Variants in CDH13 observed in about 807,000 individuals in gnomAD.
CDH13 encodes the protein cadherin-13.
CDH13 carries 24 observed loss-of-function variants against 63.8 expected under a neutral mutation model. That is an observed-to-expected ratio of 0.38 (90% CI 0.27 to 0.53). The LOEUF (loss-of-function observed/expected upper bound fraction) is 0.53. Ranked by LOEUF, CDH13 falls within the 20% of genes least tolerant of loss-of-function variation. The pLI is 0.85. For synonymous variants in CDH13, 503 were observed against 355.3 expected (o/e 1.42, Z -4.67); for missense variants, 1,049 against 903.1 (o/e 1.16, Z -2.07).
chr16:83,208,965 C>A (rs2039258539), intron 4 of CDH13, among the ~76,000 whole-genome samples: 1 of 152,102 alleles, frequency 6.6e-6, no homozygotes, highest in Non-Finnish European at 1.5e-5. Context: ...TATTAAGTCC[C>A]TTTTCAACTC....
At chr16:83,251,518 T>G (rs960590687) in intron 5 of CDH13, among the ~76,000 whole-genome samples, 1 of 152,198 alleles carries the variant, frequency 6.6e-6, no homozygotes, top group African/African-American at 2.4e-5. Context: ...CTCAGCCCTA[T>G]GGGACACATG....
In CDH13 at chr16:83,047,077, T is replaced by C. The variant is rs1021258731; in HGVS notation, c.366+14859T>C. On this transcript the variant is annotated intron_variant, in intron 3 of 13. Coordinates refer to ENST00000567109, the MANE Select transcript of CDH13 (RefSeq NM_001257.5). This position sits in a 1 kb window ranked among gnomAD's most constrained non-coding sequence, Gnocchi z 4.9. ...CTTCATCGAGTCAGGCAAATTAGGA[T>C]TCCTTTGACAGCAACTTTTTACAAC... 1.3e-5 allele frequency among the ~76,000 whole-genome samples: 2 copies of C among 152,126 alleles called. No individual in the cohort carries two copies. Among genetic ancestry groups the C allele is most frequent in the South Asian group, 4.1e-4 (2 of 4,822 alleles).
At chr16:83,205,989 A>G (rs1316280862) in intron 4 of CDH13, among the ~76,000 whole-genome samples, 2 of 152,118 alleles carry the variant, frequency 1.3e-5, no homozygotes, top group African/African-American at 4.8e-5. Flanking sequence ...TATATTATTA[A>G]CAGGCATAGA....
At chr16:83,074,425 C>G (rs375857746) in intron 3 of CDH13, among the ~76,000 whole-genome samples, 1 of 152,176 alleles carries the variant, frequency 6.6e-6, no homozygotes, top group African/African-American at 2.4e-5. Flanking sequence ...CGTTCCATAT[C>G]TTTGCTATCG....
At chr16:83,765,158 ATTAGCG>A (rs2044221345) in intron 11 of CDH13, among the ~76,000 whole-genome samples, 1 of 152,212 alleles carries the variant, frequency 6.6e-6, no homozygotes, top group African/African-American at 2.4e-5. Context: ...CTGCCATAGC[ATTAGCG>A]TTTCAAGAGC....
intron 1 of CDH13, among the ~76,000 whole-genome samples, chr16:82,643,228 A>C (rs1331375825): frequency 6.6e-6 from 1 of 152,200 alleles, no homozygotes; most frequent in Non-Finnish European, 1.5e-5. Flanking sequence ...GTCTAAATAA[A>C]ACTGGTATTG....
At chr16:82,970,608 C>G (rs1908595933) in intron 2 of CDH13, among the ~76,000 whole-genome samples, 1 of 117,352 alleles carries the variant, frequency 8.5e-6, no homozygotes, top group South Asian at 2.4e-4. Context: ...ACCTTGTTAG[C>G]CAGGATGGTC....
intron 1 of CDH13, among the ~76,000 whole-genome samples, chr16:82,681,375 G>C (rs1337663982): frequency 1.3e-5 from 2 of 152,172 alleles, no homozygotes; most frequent in Non-Finnish European, 2.9e-5. Flanking sequence ...GCTGCTACTG[G>C]GTACAGGATT....
chr16:82,752,146 G>A (rs565170425), intron 1 of CDH13, among the ~76,000 whole-genome samples: 1 of 152,300 alleles, frequency 6.6e-6, no homozygotes, highest in African/African-American at 2.4e-5. Context: ...GCAGGCCTGG[G>A]ACAATCAATA....
At chr16:83,309,014 T>C (rs1212376324) in intron 5 of CDH13, among the ~76,000 whole-genome samples, 1 of 152,198 alleles carries the variant, frequency 6.6e-6, no homozygotes, top group African/African-American at 2.4e-5. Flanking sequence ...GTGTCCTAAA[T>C]CATTCCCTTG....
At position 83,504,232 on chromosome 16, in the gene CDH13, C is replaced by G. The variant is rs187547282; in HGVS notation, c.960+17577C>G. ...GATTTTAATCCTCAGGTTGCTGCAC[C>G]CTTGGTGAAGCACAGGGCACTAGAG... On this transcript the variant is annotated intron_variant, in intron 7 of 13. Coordinates refer to ENST00000567109, the MANE Select transcript of CDH13 (RefSeq NM_001257.5). Among the ~76,000 whole-genome samples, 2 of 152,208 alleles carry G rather than the reference C, an allele frequency of 1.3e-5. 1 individual carries two copies. The highest frequency in any genetic ancestry group is 4.8e-5 in the African/African-American group (2 of 41,536).
intron 2 of CDH13, among the ~76,000 whole-genome samples, chr16:82,947,256 T>C (rs1904834104): frequency 6.6e-6 from 1 of 152,180 alleles, no homozygotes; most frequent in Admixed American, 6.5e-5. Flanking sequence ...TTTCTTCAGC[T>C]TTCTCTCCCT....
chr16:83,312,861 T>C (rs929727278), intron 5 of CDH13, among the ~76,000 whole-genome samples: 2 of 152,158 alleles, frequency 1.3e-5, no homozygotes, highest in Admixed American at 6.6e-5. Context: ...GCCAGGAGAA[T>C]TTGACCTCAG....
At chr16:83,775,124 C>T (rs1319136365) in intron 11 of CDH13, among the ~76,000 whole-genome samples, 1 of 151,680 alleles carries the variant, frequency 6.6e-6, no homozygotes, top group Non-Finnish European at 1.5e-5. Flanking sequence ...TTAATGCTTG[C>T]TCTAGAGAAG....
chr16:83,264,368 G>A (rs1311960326), intron 5 of CDH13, among the ~76,000 whole-genome samples: 4 of 151,890 alleles, frequency 2.6e-5, no homozygotes, highest in Non-Finnish European at 5.9e-5. Flanking sequence ...AACTTGGTTT[G>A]GCCAATCGCT....
intron 1 of CDH13, among the ~76,000 whole-genome samples, chr16:82,788,427 A>C (rs955889115): frequency 6.6e-6 from 1 of 152,186 alleles, no homozygotes; most frequent in Non-Finnish European, 1.5e-5. Context: ...AACAGGTATC[A>C]TGGCCTTGGC....
intron 7 of CDH13, among the ~76,000 whole-genome samples, chr16:83,531,253 A>G (rs556592707): frequency 2.0e-5 from 3 of 152,272 alleles, no homozygotes; most frequent in South Asian, 2.1e-4. Context: ...CTGCCATCCT[A>G]TAAATCCATT....
chr16:83,070,511 C>G (rs1416866489), intron 3 of CDH13, among the ~76,000 whole-genome samples: 1 of 152,090 alleles, frequency 6.6e-6, no homozygotes, highest in Non-Finnish European at 1.5e-5. Flanking sequence ...AGTTTCCATT[C>G]TTTTTAATAG....
intron 1 of CDH13, among the ~76,000 whole-genome samples, chr16:82,762,770 A>T (rs1422756541): frequency 6.6e-6 from 1 of 152,196 alleles, no homozygotes; most frequent in African/African-American, 2.4e-5. Context: ...GAGGAAGAGA[A>T]GAGTTCTGCT....
Sources: gnomAD v4.1 joint callset for allele counts (sites outside exome capture counted in the v4.1 genomes callset) on GRCh38, gnomAD v4.1.1 for gene constraint, Gnocchi (gnomAD v3.1) non-coding constraint, MANE v1.5 for transcripts, NCBI Gene and HGNC (gene_info 2026-07-23, HGNC 2026-07-21) for gene names.